AGPAT4: variants seen among roughly 807,000 people sequenced by gnomAD.
The protein encoded by AGPAT4 is 1-acylglycerol-3-phosphate O-acyltransferase 4.
AGPAT4 carries 15 observed loss-of-function variants against 48.0 expected under a neutral mutation model. That is an observed-to-expected ratio of 0.31 (90% CI 0.21 to 0.48). The LOEUF (loss-of-function observed/expected upper bound fraction) is 0.48, where lower values mean the gene tolerates loss of function less well. AGPAT4 is among the 20% of genes least tolerant of loss of function. AGPAT4 has a pLI of 0.99. For synonymous variants in AGPAT4, 178 were observed against 198.7 expected, an observed-to-expected ratio of 0.90 and a Z score of 0.88; for missense variants, 314 against 482.5, an observed-to-expected ratio of 0.65 and a Z score of 3.27.
At chr6:161,248,175 G>T (rs1041492205) in intron 1 of AGPAT4, among the ~76,000 whole-genome samples, 2 of 151,748 alleles carry the variant, frequency 1.3e-5, no homozygotes, top group African/African-American at 4.8e-5. Context: ...AAAGTCTCAG[G>T]ACACAAAATC....
In AGPAT4 at chr6:161,130,699, C is replaced by A; in HGVS notation, c.*5841G>T. On this transcript the variant is annotated 3_prime_UTR_variant, in exon 9 of 9. Coordinates refer to ENST00000320285, the MANE Select transcript of AGPAT4 (RefSeq NM_020133.3). The stretch of plus-strand genomic sequence containing the variant: ...TCTGTTGACTGTGGGCGGCCTGGGC[C>A]AGCCTTGCTGTGTTTGCCTCAGATG... 3.0e-6 allele frequency: 1 copy of A among 338,286 alleles called. No homozygotes were observed. Among genetic ancestry groups the A allele is most frequent in the Non-Finnish European group, 6.1e-6 (1 of 164,808 alleles). The allele number at this position is 338,286 out of a possible 1,614,324, so 21.0% of individuals were successfully genotyped here. A position where few individuals can be genotyped will look rare whatever the true frequency, so the allele number is the denominator to read the frequency against.
chr6:161,164,949 C>T lies in AGPAT4; in HGVS notation c.348+1299G>A, dbSNP rs1780049560. 6.6e-6 allele frequency among the ~76,000 whole-genome samples: 1 copy of T among 152,194 alleles called. No individual in the cohort carries two copies. On this transcript the variant is annotated intron_variant, in intron 3 of 8. Transcript: ENST00000320285. The surrounding 1 kb of genome is among the most constrained non-coding windows in gnomAD (Gnocchi z 7.4). ...CAGGAGACGCTGGCACCTCAGAAAG[C>T]CTAGCTGTAAAGGTGGTAAGACAGG...
At position 161,166,196 on chromosome 6, in the gene AGPAT4, G is replaced by C. The variant is rs779150632; in HGVS notation, c.348+52C>G. The C allele has an allele frequency of 5.0e-6, 8 of 1,589,024 alleles. No homozygotes were observed. Among genetic ancestry groups the C allele is most frequent in the South Asian group, 4.5e-5 (4 of 88,014 alleles). ...ACCAGGAGCAAAAAGACAAGTGGTGGGGCTGAACCAGAGAAATGTGTGAGG... is the reference window on the plus strand; with the variant it reads ...ACCAGGAGCAAAAAGACAAGTGGTGCGGCTGAACCAGAGAAATGTGTGAGG... On this transcript the variant is annotated intron_variant, in intron 3 of 8. Transcript: ENST00000320285. This position sits in a 1 kb window ranked among gnomAD's most constrained non-coding sequence, Gnocchi z 6.7.
Position 161,140,497 on chromosome 6 carries a change from A to C in AGPAT4, c.844-877T>G, listed in dbSNP as rs1447906750. Among the ~76,000 whole-genome samples, 2 of 152,128 alleles carry C rather than the reference A, an allele frequency of 1.3e-5. No individual in the cohort carries two copies. The highest frequency in any genetic ancestry group is 2.9e-5 in the Non-Finnish European group (2 of 68,018). On this transcript the variant is annotated intron_variant, in intron 7 of 8. Transcript: ENST00000320285. The surrounding 1 kb of genome is among the most constrained non-coding windows in gnomAD (Gnocchi z 6.5). ...AACAGGGGACTCACGGCCCCACATAAATGCACTGCGAAAGAACGCGGTGGC... is the reference window on the plus strand; with the variant it reads ...AACAGGGGACTCACGGCCCCACATACATGCACTGCGAAAGAACGCGGTGGC...
chr6:161,168,630 C>T (rs922886869), intron 2 of AGPAT4, among the ~76,000 whole-genome samples: 2 of 152,044 alleles, frequency 1.3e-5, no homozygotes, highest in African/African-American at 2.4e-5. Flanking sequence ...ACAAATGCCG[C>T]GTGATTACCT....
chr6:161,233,186 T>G lies in AGPAT4; in HGVS notation c.-89-884A>C, dbSNP rs1236927288. 1.3e-5 allele frequency among the ~76,000 whole-genome samples: 2 copies of G among 149,036 alleles called. No homozygotes were observed. The highest frequency in any genetic ancestry group is 2.1e-4 in the South Asian group (1 of 4,694). ...AAGTGTTCTCAAATCAGAAAGAAACTCAACACATACATACAGTTAGACTCA... is the reference window on the plus strand; with the variant it reads ...AAGTGTTCTCAAATCAGAAAGAAACGCAACACATACATACAGTTAGACTCA... On this transcript the variant is annotated intron_variant, in intron 1 of 8. Transcript: ENST00000320285. This position sits in a 1 kb window ranked among gnomAD's most constrained non-coding sequence, Gnocchi z 5.4.
At position 161,254,315 on chromosome 6, in the gene AGPAT4, T is replaced by C. The variant is rs1397917346; in HGVS notation, c.-90+19623A>G. On this transcript the variant is annotated intron_variant, in intron 1 of 8. Transcript: ENST00000320285. This position sits in a 1 kb window ranked among gnomAD's most constrained non-coding sequence, Gnocchi z 5.9. ...GGCTCAGGGAAGTCATGACTTATTT[T>C]CTTTGGTCACTAACCTGCTCAGGTC... is the stretch of plus-strand genomic sequence containing the variant. 2.0e-5 allele frequency among the ~76,000 whole-genome samples: 3 copies of C among 152,204 alleles called. No individual in the cohort carries two copies. The East Asian group carries it at 5.8e-4, about 29-fold the overall frequency.
chr6:161,152,670 T>G (rs2114965069), intron 5 of AGPAT4, among the ~76,000 whole-genome samples: 1 of 152,240 alleles, frequency 6.6e-6, no homozygotes, highest in Non-Finnish European at 1.5e-5. Flanking sequence ...CGCATTCAGC[T>G]GGGTTCTAGC....
chr6:161,134,138 A>G lies in AGPAT4; in HGVS notation c.*2402T>C, dbSNP rs189622386. On this transcript the variant is annotated 3_prime_UTR_variant, in exon 9 of 9. Coordinates refer to ENST00000320285, the MANE Select transcript of AGPAT4 (RefSeq NM_020133.3). ...AATGACTGATGAGAAAGAGGTCCAG[A>G]TCTCTCCCCAGCACGCCACATTCTC... is the stretch of plus-strand genomic sequence containing the variant. 1 of 152,302 alleles carries G rather than the reference A, an allele frequency of 6.6e-6. No homozygotes were observed. Among genetic ancestry groups the G allele is most frequent in the Non-Finnish European group, 1.5e-5 (1 of 68,046 alleles). 9.4% of individuals were successfully genotyped at this position (152,302 alleles called of 1,614,324 possible).
At position 161,206,458 on chromosome 6, in the gene AGPAT4, T is replaced by C. The variant is rs534212059; in HGVS notation, c.178+25578A>G. Among the ~76,000 whole-genome samples, 12 of 152,152 alleles carry C rather than the reference T, an allele frequency of 7.9e-5. No individual in the cohort carries two copies. Among genetic ancestry groups the C allele is most frequent in the Non-Finnish European group, 1.5e-4 (10 of 68,026 alleles). Reference sequence around the variant, plus strand: ...GCAGTAATGAGACACCCTTCTCCCATCCAGGTGTCACTGGGGGCAGAGTGG... The same window carrying C: ...GCAGTAATGAGACACCCTTCTCCCACCCAGGTGTCACTGGGGGCAGAGTGG... On this transcript the variant is annotated intron_variant, in intron 2 of 8. Coordinates refer to ENST00000320285, the MANE Select transcript of AGPAT4 (RefSeq NM_020133.3). This position sits in a 1 kb window ranked among gnomAD's most constrained non-coding sequence, Gnocchi z 4.8.
rs529101443 is a variant in AGPAT4, at chr6:161,195,791, G to A, written c.179-29374C>T. Among the ~76,000 whole-genome samples the A allele has an allele frequency of 2.6e-4, 40 of 152,264 alleles. No homozygotes were observed. The highest frequency in any genetic ancestry group is 6.5e-5 in the Admixed American group (1 of 15,304). On this transcript the variant is annotated intron_variant, in intron 2 of 8. Coordinates refer to ENST00000320285, the MANE Select transcript of AGPAT4 (RefSeq NM_020133.3). The surrounding 1 kb of genome is among the most constrained non-coding windows in gnomAD (Gnocchi z 5.0). ...GAGGCATGCCACACCCTCGGGGCTC[G>A]TCACACAGGCATGGCTCTACACTGC... is the stretch of plus-strand genomic sequence containing the variant.
intron 1 of AGPAT4, among the ~76,000 whole-genome samples, chr6:161,269,698 T>C (rs1448646690): frequency 1.3e-5 from 2 of 152,202 alleles, no homozygotes; most frequent in African/African-American, 4.8e-5. Flanking sequence ...CACATTGTCT[T>C]CCTGATAGTT....
chr6:161,136,986 A>C (rs529986159), intron 8 of AGPAT4, among the ~76,000 whole-genome samples: 5 of 152,192 alleles, frequency 3.3e-5, no homozygotes, highest in African/African-American at 7.2e-5. Context: ...AGGGACAGGA[A>C]GTTAACAGGG....
rs560102667 is a variant in AGPAT4 at position 161,216,156 on chromosome 6, C to CTT, written c.178+15879_178+15880insAA. Among the ~76,000 whole-genome samples, 142 of 152,344 alleles carry CTT rather than the reference C, an allele frequency of 9.3e-4. No individual in the cohort carries two copies. The highest frequency in any genetic ancestry group is 7.8e-3 in the Admixed American group (119 of 15,300). Reference sequence around the variant, plus strand: ...CTTCTTCATAGTCTGACAAAGGAGACTAACACTCTTAGACACAAATACAAG... The same window carrying CTT: ...CTTCTTCATAGTCTGACAAAGGAGACTTTAACACTCTTAGACACAAATACAAG... On this transcript the variant is annotated intron_variant, in intron 2 of 8. Coordinates refer to ENST00000320285, the MANE Select transcript of AGPAT4 (RefSeq NM_020133.3). The surrounding 1 kb of genome is among the most constrained non-coding windows in gnomAD (Gnocchi z 4.8).
intron 3 of AGPAT4, among the ~76,000 whole-genome samples, chr6:161,163,460 T>C (rs1462428937): frequency 1.3e-5 from 2 of 152,124 alleles, no homozygotes; most frequent in African/African-American, 4.8e-5. Context: ...TATAAGGCAA[T>C]GCCGTTCTTT....
chr6:161,242,993 G>A lies in AGPAT4; in HGVS notation c.-89-10691C>T, dbSNP rs1782537023. On this transcript the variant is annotated intron_variant, in intron 1 of 8. Transcript: ENST00000320285. This position sits in a 1 kb window ranked among gnomAD's most constrained non-coding sequence, Gnocchi z 5.0. ...CAGGAGAATTGATTGAACCCAGGAG[G>A]TGGAGGTTGCAGTGAGTGGAGATTG... Among the ~76,000 whole-genome samples the A allele has an allele frequency of 6.6e-6, 1 of 152,106 alleles. No individual in the cohort carries two copies.
At chr6:161,256,652 C>T (rs1191215774) in intron 1 of AGPAT4, among the ~76,000 whole-genome samples, 1 of 152,174 alleles carries the variant, frequency 6.6e-6, no homozygotes, top group Non-Finnish European at 1.5e-5. Context: ...GCAGAGACGG[C>T]GTCTGATGGC....
chr6:161,192,362 T>A (rs1780951598), intron 2 of AGPAT4, among the ~76,000 whole-genome samples: 1 of 152,090 alleles, frequency 6.6e-6, no homozygotes, highest in East Asian at 1.9e-4. Context: ...TGTTGGCCAG[T>A]CTGGTCTCAA....
chr6:161,217,328 A>C lies in AGPAT4; in HGVS notation c.178+14708T>G, dbSNP rs1398277973. ...GAAGGTGCTCAATAGATGTCTACCA[A>C]GTTGAATGAAAGGGCATCTCACTGT... On this transcript the variant is annotated intron_variant, in intron 2 of 8. Coordinates refer to ENST00000320285, the MANE Select transcript of AGPAT4 (RefSeq NM_020133.3). This position sits in a 1 kb window ranked among gnomAD's most constrained non-coding sequence, Gnocchi z 4.9. 6.6e-6 allele frequency among the ~76,000 whole-genome samples: 1 copy of C among 152,204 alleles called. No individual in the cohort carries two copies. Among genetic ancestry groups the C allele is most frequent in the Admixed American group, 6.5e-5 (1 of 15,280 alleles).
Sources: gnomAD v4.1 joint callset for allele counts (sites outside exome capture counted in the v4.1 genomes callset) on GRCh38, gnomAD v4.1.1 for gene constraint, Gnocchi (gnomAD v3.1) non-coding constraint, MANE v1.5 for transcripts, NCBI Gene and HGNC (gene_info 2026-07-23, HGNC 2026-07-21) for gene names.